TTC9: variants seen among roughly 807,000 people sequenced by gnomAD.
The protein encoded by TTC9 is tetratricopeptide repeat domain 9.
TTC9 carries 13 observed loss-of-function variants against 22.9 expected under a neutral mutation model. The observed-to-expected ratio is 0.57, with a 90% CI of 0.37 to 0.90. TTC9 has a LOEUF of 0.90. Among genes scored for constraint, TTC9 ranks in the 40% least tolerant of loss-of-function variants. TTC9 has a pLI of 0.01. For synonymous variants in TTC9, 148 were observed against 133.2 expected, an observed-to-expected ratio of 1.11 and a Z score of -0.77; for missense variants, 280 against 291.8, an observed-to-expected ratio of 0.96 and a Z score of 0.29.
At chr14:70,661,415 T>G (rs1025008508) in intron 1 of TTC9, among the ~76,000 whole-genome samples, 1 of 152,142 alleles carries the variant, frequency 6.6e-6, no homozygotes, top group Non-Finnish European at 1.5e-5. Flanking sequence ...CCTTGTAGAG[T>G]AGGTTCTTCC....
chr14:70,663,345 C>T (rs995447973), intron 1 of TTC9, among the ~76,000 whole-genome samples: 3 of 152,160 alleles, frequency 2.0e-5, no homozygotes, highest in African/African-American at 7.2e-5. Context: ...CACCACCCCA[C>T]CACCCAGGGA....
At chr14:70,648,213 T>C (rs1164790546) in intron 1 of TTC9, among the ~76,000 whole-genome samples, 1 of 152,232 alleles carries the variant, frequency 6.6e-6, no homozygotes, top group Non-Finnish European at 1.5e-5. Context: ...GACCTGGGGC[T>C]GTTCCTTAGG....
intron 1 of TTC9, among the ~76,000 whole-genome samples, chr14:70,664,619 C>T (rs548135640): frequency 1.3e-5 from 2 of 151,962 alleles, no homozygotes; most frequent in South Asian, 4.2e-4. Flanking sequence ...GTCCCAGCTA[C>T]TTGGGAGGCT....
chr14:70,666,835 C>T lies in TTC9; in HGVS notation c.407-729C>T, dbSNP rs79666353. Reference sequence around the variant, plus strand: ...GCATCTGTACAAGGTAAGCACTCAACAAATATTGGCCATGATGGTGATGAT... The same window carrying T: ...GCATCTGTACAAGGTAAGCACTCAATAAATATTGGCCATGATGGTGATGAT... On this transcript the variant is annotated intron_variant, in intron 1 of 2. Transcript: ENST00000256367. 3.1e-3 allele frequency among the ~76,000 whole-genome samples: 473 copies of T among 152,272 alleles called. 3 individuals are homozygous for T. The highest frequency in any genetic ancestry group is 0.01 in the African/African-American group (430 of 41,536).
intron 1 of TTC9, among the ~76,000 whole-genome samples, chr14:70,651,728 G>A (rs2139641962): frequency 6.6e-6 from 1 of 152,276 alleles, no homozygotes; most frequent in Admixed American, 6.5e-5. Context: ...CACTTGTGAT[G>A]TAAACTGGTT....
intron 1 of TTC9, among the ~76,000 whole-genome samples, chr14:70,656,661 G>C: frequency 1.3e-5 from 2 of 152,322 alleles, no homozygotes; most frequent in Middle Eastern, 6.8e-3. Flanking sequence ...GGCTTCTAAG[G>C]TCTTCCCATT....
Position 70,671,458 on chromosome 14 carries a change from G to C in TTC9, c.*303G>C. On this transcript the variant is annotated 3_prime_UTR_variant, in exon 3 of 3. Coordinates refer to ENST00000256367, the MANE Select transcript of TTC9 (RefSeq NM_015351.2). Reference sequence around the variant, plus strand: ...GTCTCATGGGCTGGGATGCTGTTGTGGCTTTGACTTTGGCCAGTGCTTCTG... The same window carrying C: ...GTCTCATGGGCTGGGATGCTGTTGTCGCTTTGACTTTGGCCAGTGCTTCTG... 3.2e-6 allele frequency: 1 copy of C among 312,834 alleles called. No individual in the cohort carries two copies. The highest frequency in any genetic ancestry group is 4.2e-5 in the Admixed American group (1 of 23,710). The allele number at this position is 312,834 out of a possible 1,614,324, so 19.4% of individuals were successfully genotyped here. A position where few individuals can be genotyped will look rare whatever the true frequency, so the allele number is the denominator to read the frequency against.
At chr14:70,662,635 A>G (rs1886160511) in intron 1 of TTC9, among the ~76,000 whole-genome samples, 1 of 152,240 alleles carries the variant, frequency 6.6e-6, no homozygotes, top group Non-Finnish European at 1.5e-5. Context: ...TAGATCTGAA[A>G]GGACGGTAGA....
chr14:70,647,405 C>T (rs538556735), intron 1 of TTC9, among the ~76,000 whole-genome samples: 1 of 152,286 alleles, frequency 6.6e-6, no homozygotes, highest in African/African-American at 2.4e-5. Context: ...CCTTCTGTGT[C>T]ATCATTTTCA....
At chr14:70,669,271 T>TTA (rs1188827889) in intron 2 of TTC9, among the ~76,000 whole-genome samples, 3 of 152,144 alleles carry the variant, frequency 2.0e-5, no homozygotes, top group African/African-American at 7.2e-5. Context: ...TTTTTGTTGT[T>TTA]TATATGGTTA....
At chr14:70,646,165 G>A (rs534928088) in intron 1 of TTC9, among the ~76,000 whole-genome samples, 5 of 152,350 alleles carry the variant, frequency 3.3e-5, no homozygotes, top group African/African-American at 9.6e-5. Context: ...CTGGCCAGTT[G>A]TGCTGGGCCC....
At chr14:70,655,797 CAGA>C (rs1886056378) in intron 1 of TTC9, among the ~76,000 whole-genome samples, 1 of 152,182 alleles carries the variant, frequency 6.6e-6, no homozygotes, top group Admixed American at 6.5e-5. Context: ...TTATGAGATG[CAGA>C]AGGAGTTTAC....
At chr14:70,655,211 T>A (rs1229015739) in intron 1 of TTC9, among the ~76,000 whole-genome samples, 1 of 152,122 alleles carries the variant, frequency 6.6e-6, no homozygotes, top group African/African-American at 2.4e-5. Flanking sequence ...CTGGCCAACA[T>A]GGGGAAACCC....
chr14:70,652,265 GT>G (rs1185561342), intron 1 of TTC9, among the ~76,000 whole-genome samples: 1 of 152,216 alleles, frequency 6.6e-6, no homozygotes, highest in Non-Finnish European at 1.5e-5. Flanking sequence ...TGTGCTGACA[GT>G]AAGTATTAAA....
chr14:70,671,015 C>T, intron 2 of TTC9, 61 bp from the exon 3 acceptor site: 1 of 1,523,528 alleles, frequency 6.6e-7, no homozygotes, highest in Non-Finnish European at 9.1e-7. Flanking sequence ...TTGCTAATTC[C>T]TTGTAAATGT....
Position 70,642,069 on chromosome 14 carries a change from C to G in TTC9, c.-61C>G, listed in dbSNP as rs995585923. ...CGCGGCTTTTAAACCCGGGAAGGCG[C>G]GGCGGCGGCGGCGGCGGCGGGCAGA... On this transcript the variant is annotated 5_prime_UTR_variant, in exon 1 of 3. Coordinates refer to ENST00000256367, the MANE Select transcript of TTC9 (RefSeq NM_015351.2). 1 of 776,732 alleles carries G rather than the reference C, an allele frequency of 1.3e-6. No individual in the cohort carries two copies. The highest frequency in any genetic ancestry group is 1.9e-5 in the African/African-American group (1 of 52,974). The allele number at this position is 776,732 out of a possible 1,614,324, so 48.1% of individuals were successfully genotyped here. A position where few individuals can be genotyped will look rare whatever the true frequency, so the allele number is the denominator to read the frequency against.
chr14:70,654,931 T>C (rs1886040305), intron 1 of TTC9, among the ~76,000 whole-genome samples: 1 of 152,230 alleles, frequency 6.6e-6, no homozygotes, highest in South Asian at 2.1e-4. Flanking sequence ...TTTGATTGGC[T>C]AAAACTCAGT....
chr14:70,642,822 C>CT (rs1408311051), intron 1 of TTC9, among the ~76,000 whole-genome samples: 1 of 152,242 alleles, frequency 6.6e-6, no homozygotes, highest in Non-Finnish European at 1.5e-5. Flanking sequence ...TACTGCTCAC[C>CT]AGTGGACCTG....
rs980710046 is a variant in TTC9, at chr14:70,673,042, C to T, written c.*1887C>T. 6.6e-6 allele frequency: 1 copy of T among 152,216 alleles called. No individual in the cohort carries two copies. The highest frequency in any genetic ancestry group is 1.5e-5 in the Non-Finnish European group (1 of 68,070). The allele number at this position is 152,216 out of a possible 1,614,324, so 9.4% of individuals were successfully genotyped here. A position where few individuals can be genotyped will look rare whatever the true frequency, so the allele number is the denominator to read the frequency against. On this transcript the variant is annotated 3_prime_UTR_variant, in exon 3 of 3. Coordinates refer to ENST00000256367, the MANE Select transcript of TTC9 (RefSeq NM_015351.2). ...CTCAAGGGCCCCAAAAGACCAGAGG[C>T]CAGAATCCCTAGTAGTCAGAGCAGT...
Sources: allele counts gnomAD v4.1 joint callset (sites outside exome capture counted in the v4.1 genomes callset), GRCh38; gene constraint gnomAD v4.1.1; transcripts MANE v1.5; gene names NCBI Gene and HGNC (gene_info 2026-07-23, HGNC 2026-07-21).